NDUFB3: variants seen among roughly 807,000 people sequenced by gnomAD.
NDUFB3 encodes NADH dehydrogenase [ubiquinone] 1 beta subcomplex subunit 3.
Under a neutral mutation model 9.0 loss-of-function variants are expected in NDUFB3, and 7 were observed. The ratio of observed to expected loss-of-function variants is 0.78; its 90% CI spans 0.44 to 1.46. The LOEUF (loss-of-function observed/expected upper bound fraction) is 1.46. NDUFB3 is among the 40% of genes most tolerant of loss of function. The pLI is 0.01. For synonymous variants in NDUFB3, 29 were observed against 38.5 expected (o/e 0.75, Z 0.91); for missense variants, 93 against 115.4 (o/e 0.81, Z 0.89).
intron 1 of NDUFB3, among the ~76,000 whole-genome samples, chr2:201,078,051 C>T (rs139270392): frequency 0.018 from 2,810 of 152,032 alleles, 33 homozygotes; most frequent in African/African-American, 0.028. Context: ...ACTTGTAATC[C>T]CAGCACTTTG....
In NDUFB3 at chr2:201,085,478, A is replaced by C. The variant is rs766310100; in HGVS notation, c.160A>C (p.Met54Leu). Reference protein sequence around the residue: ...PWGRNEAWRYMGGFAKSVSFS... With the variant: ...PWGRNEAWRYLGGFAKSVSFS... ...TTCTAGCAATGAAGCTTGGAGATAC[A>C]TGGGTGGCTTTGCAAAGAGTGTTTC... The change falls in exon 3 of 3, where the codon ATG becomes CTG. Residue 54 changes from methionine (M) to leucine (L), a missense_variant. Physicochemically the swap from Met to Leu is conservative, Grantham distance 15. Coordinates refer to ENST00000237889, the MANE Select transcript of NDUFB3 (RefSeq NM_002491.3). 6.2e-7 allele frequency: 1 copy of C among 1,606,792 alleles called. No individual in the cohort carries two copies. Among genetic ancestry groups the C allele is most frequent in the East Asian group, 2.2e-5 (1 of 44,808 alleles).
At chr2:201,072,358 A>G (rs2047088416) in intron 1 of NDUFB3, 1 of 152,236 alleles carries the variant, frequency 6.6e-6, no homozygotes, top group Non-Finnish European at 1.5e-5. Context: ...CAGCATCACT[A>G]AAAGTAATAA....
chr2:201,083,974 G>A (rs1381033848), intron 2 of NDUFB3, among the ~76,000 whole-genome samples: 1 of 151,952 alleles, frequency 6.6e-6, no homozygotes, highest in South Asian at 2.1e-4. Flanking sequence ...TGGCCAACAT[G>A]GCAAAACCCT....
In NDUFB3 at chr2:201,073,436, G is replaced by A. The variant is rs775996023; in HGVS notation, c.-3+1377G>A. On this transcript the variant is annotated intron_variant, in intron 1 of 2. Coordinates refer to ENST00000237889, the MANE Select transcript of NDUFB3 (RefSeq NM_002491.3). ...ACATTTGGGTTGTTTACAGTTGGGA[G>A]AGAGAATAAACAATGTGGCTATAAA... 1.1e-4 allele frequency among the ~76,000 whole-genome samples: 17 copies of A among 152,298 alleles called. No individual in the cohort carries two copies. In the South Asian group the frequency reaches 3.3e-3, roughly 30 times the overall value.
chr2:201,076,761 T>C (rs1361865979), intron 1 of NDUFB3, among the ~76,000 whole-genome samples: 1 of 151,760 alleles, frequency 6.6e-6, no homozygotes, highest in Admixed American at 6.6e-5. Flanking sequence ...GTGTCTTTAA[T>C]ATACACTTTT....
At chr2:201,079,413 G>A (rs999571133) in intron 2 of NDUFB3, among the ~76,000 whole-genome samples, 4 of 151,906 alleles carry the variant, frequency 2.6e-5, no homozygotes, top group Non-Finnish European at 5.9e-5. Context: ...GAAGTGCTGG[G>A]ATTACAGGCA....
chr2:201,082,166 C>T (rs750290129), intron 2 of NDUFB3, among the ~76,000 whole-genome samples: 1 of 151,960 alleles, frequency 6.6e-6, no homozygotes, highest in East Asian at 1.9e-4. Flanking sequence ...GTTGGCCAGG[C>T]TGGTCTTGAA....
At chr2:201,079,588 A>G (rs2047202048) in intron 2 of NDUFB3, among the ~76,000 whole-genome samples, 1 of 152,242 alleles carries the variant, frequency 6.6e-6, no homozygotes, top group South Asian at 2.1e-4. Flanking sequence ...GACTACAGGC[A>G]TGGGCCACCA....
chr2:201,079,140 T>A, intron 2 of NDUFB3, 118 bp downstream of exon 2: 2 of 1,198,832 alleles, frequency 1.7e-6, no homozygotes, highest in Non-Finnish European at 2.3e-6. Context: ...TTAAAGGGTT[T>A]TTTTTGGTTT....
intron 2 of NDUFB3, among the ~76,000 whole-genome samples, chr2:201,081,548 A>G (rs1018823076): frequency 2.0e-5 from 3 of 151,700 alleles, no homozygotes; most frequent in Non-Finnish European, 1.5e-5. Flanking sequence ...GTCAATGGGC[A>G]ATTTAGGTCT....
intron 2 of NDUFB3, among the ~76,000 whole-genome samples, chr2:201,081,982 A>AT (rs945016859): frequency 7.9e-5 from 12 of 151,574 alleles, no homozygotes; most frequent in Admixed American, 4.0e-4. Context: ...TGCCCGGCTA[A>AT]TTTTTTGTAT....
In NDUFB3 at chr2:201,085,708, A is replaced by C; in HGVS notation, c.*93A>C. Reference sequence around the variant, plus strand: ...ACTTGTCTGGTTTATCCCTTACAGAATATTAGTAAGATTTAATCAATTAAA... The same window carrying C: ...ACTTGTCTGGTTTATCCCTTACAGACTATTAGTAAGATTTAATCAATTAAA... On this transcript the variant is annotated 3_prime_UTR_variant, in exon 3 of 3. Transcript: ENST00000237889. 9.8e-7 allele frequency: 1 copy of C among 1,017,846 alleles called. No homozygotes were observed. Among genetic ancestry groups the C allele is most frequent in the Non-Finnish European group, 1.4e-6 (1 of 718,580 alleles). 63.1% of individuals were successfully genotyped at this position (1,017,846 alleles called of 1,614,324 possible).
chr2:201,083,492 T>A (rs2047255408), intron 2 of NDUFB3, among the ~76,000 whole-genome samples: 1 of 151,984 alleles, frequency 6.6e-6, no homozygotes, highest in African/African-American at 2.4e-5. Context: ...ATAGCTGGGA[T>A]TACAGGCATG....
chr2:201,084,289 C>CAA (rs1185626167), intron 2 of NDUFB3, among the ~76,000 whole-genome samples: 4 of 134,510 alleles, frequency 3.0e-5, no homozygotes, highest in Non-Finnish European at 1.6e-5. Context: ...GACTCCATCT[C>CAA]AAAAAAAAAA....
intron 1 of NDUFB3, among the ~76,000 whole-genome samples, chr2:201,075,322 T>C (rs780618620): frequency 6.6e-6 from 1 of 152,068 alleles, no homozygotes; most frequent in Non-Finnish European, 1.5e-5. Flanking sequence ...TCCCAGCACT[T>C]TGGGAGACCC....
chr2:201,079,060 A>T (rs1477412998), intron 2 of NDUFB3, 38 bp downstream of exon 2: 1 of 1,573,840 alleles, frequency 6.4e-7, no homozygotes, highest in Non-Finnish European at 8.6e-7. Context: ...AATGTATCCT[A>T]GAGAATCAAG....
chr2:201,081,919 C>T (rs981326424), intron 2 of NDUFB3, among the ~76,000 whole-genome samples: 5 of 151,678 alleles, frequency 3.3e-5, no homozygotes, highest in African/African-American at 1.2e-4. Flanking sequence ...GGGTTCACAC[C>T]ATTCTCCTGC....
At chr2:201,079,379 G>A (rs572351543) in intron 2 of NDUFB3, among the ~76,000 whole-genome samples, 11 of 152,010 alleles carry the variant, frequency 7.2e-5, no homozygotes, top group African/African-American at 1.2e-4. Flanking sequence ...TCCTGACCTC[G>A]TGATCCACCT....
intron 2 of NDUFB3, chr2:201,079,843 T>G (rs535133783): frequency 6.6e-6 from 1 of 152,344 alleles, no homozygotes; most frequent in Non-Finnish European, 1.5e-5. Flanking sequence ...AGTTTTGTGG[T>G]GCTTGCTTCA....
Sources: allele counts gnomAD v4.1 joint callset (sites outside exome capture counted in the v4.1 genomes callset), GRCh38; gene constraint gnomAD v4.1.1; transcripts MANE v1.5; gene names NCBI Gene and HGNC (gene_info 2026-07-23, HGNC 2026-07-21).